Variants in GGCT observed in about 807,000 individuals in gnomAD.
GGCT encodes cytochrome c-releasing factor 21.
In GGCT, 20 loss-of-function variants were observed where a neutral mutation model predicts 22.1. That is an observed-to-expected ratio of 0.91 (90% CI 0.64 to 1.32). The LOEUF is 1.32. Ranked by LOEUF, GGCT falls within the 40% of genes most tolerant of loss-of-function variation. The probability of loss-of-function intolerance (pLI) is 0.00; values close to 1 mark genes in which losing one functional copy is unlikely to be tolerated. For synonymous variants in GGCT, 72 were observed against 78.4 expected (o/e 0.92, Z 0.43); for missense variants, 209 against 223.5 (o/e 0.94, Z 0.41).
At chr7:30,501,830 C>T (rs1789710331) in intron 1 of GGCT, among the ~76,000 whole-genome samples, 1 of 152,182 alleles carries the variant, frequency 6.6e-6, no homozygotes, top group South Asian at 2.1e-4. Flanking sequence ...ACTTGTCAGA[C>T]ATCTCAGGAA....
At chr7:30,503,590 G>C (rs2128124413) in intron 1 of GGCT, among the ~76,000 whole-genome samples, 1 of 152,132 alleles carries the variant, frequency 6.6e-6, no homozygotes, top group South Asian at 2.1e-4. Context: ...GCAGGGGGTG[G>C]TGGACAATAC....
chr7:30,503,781 C>CTTT (rs58105855), intron 1 of GGCT, among the ~76,000 whole-genome samples: 16 of 68,602 alleles, frequency 2.3e-4, no homozygotes, highest in South Asian at 6.4e-4. Context: ...TCAACACATT[C>CTTT]TTTTTTTTTT....
intron 1 of GGCT, among the ~76,000 whole-genome samples, chr7:30,501,550 C>T (rs778836118): frequency 6.6e-6 from 1 of 152,144 alleles, no homozygotes; most frequent in Non-Finnish European, 1.5e-5. Flanking sequence ...TCTAGTTTAA[C>T]TTCTTTCCTC....
chr7:30,500,435 T>C, intron 2 of GGCT, 101 bp downstream of exon 2: 1 of 849,102 alleles, frequency 1.2e-6, no homozygotes, highest in Non-Finnish European at 1.9e-6. Context: ...AATATGTCTG[T>C]AGTATGTGGT....
At chr7:30,503,189 G>A (rs1411135137) in intron 1 of GGCT, among the ~76,000 whole-genome samples, 1 of 152,196 alleles carries the variant, frequency 6.6e-6, no homozygotes, top group East Asian at 1.9e-4. Flanking sequence ...AGGTACCCTG[G>A]TCATACGCCC....
chr7:30,499,683 G>A (rs1365868477), intron 2 of GGCT, among the ~76,000 whole-genome samples: 1 of 151,788 alleles, frequency 6.6e-6, no homozygotes, highest in African/African-American at 2.4e-5. Context: ...TTGCACTCTA[G>A]CCTGGGCAAC....
chr7:30,500,783 G>T (rs38410), intron 1 of GGCT, 102 bp from the exon 2 acceptor site: 590,102 of 852,898 alleles, frequency 0.69, 206,270 homozygotes, highest in Non-Finnish European at 0.72. Flanking sequence ...AATTAAAACA[G>T]TCAATAAACT....
chr7:30,501,071 G>T (rs1370445323), intron 1 of GGCT, among the ~76,000 whole-genome samples: 1 of 152,138 alleles, frequency 6.6e-6, no homozygotes, highest in Non-Finnish European at 1.5e-5. Context: ...CTACATGTGG[G>T]TTATAATATT....
chr7:30,503,594 A>ACAATACAGCATCCACGTTT (rs1175394629), intron 1 of GGCT, among the ~76,000 whole-genome samples: 76 of 152,228 alleles, frequency 5.0e-4, no homozygotes, highest in Middle Eastern at 6.8e-3. Flanking sequence ...GGGGTGGTGG[A>ACAATACAGCATCCACGTTT]CAATACAGCA....
rs1179078575 is a variant in GGCT, at chr7:30,497,004, C to T, written c.*88G>A. The T allele has an allele frequency of 3.0e-5, 25 of 831,220 alleles. No individual in the cohort carries two copies. Among genetic ancestry groups the T allele is most frequent in the South Asian group, 4.1e-5 (2 of 48,578 alleles). The allele number at this position is 831,220 out of a possible 1,614,324, so 51.5% of individuals were successfully genotyped here. ...AGAGCACTGCTGAAAATGGATCAAACGTGGAGATCCCCCAGATCCCTGTTC... is the reference window on the plus strand; with the variant it reads ...AGAGCACTGCTGAAAATGGATCAAATGTGGAGATCCCCCAGATCCCTGTTC... On this transcript the variant is annotated 3_prime_UTR_variant, in exon 4 of 4. Transcript: ENST00000275428.
At chr7:30,501,306 G>A (rs1789696873) in intron 1 of GGCT, among the ~76,000 whole-genome samples, 1 of 152,220 alleles carries the variant, frequency 6.6e-6, no homozygotes, top group African/African-American at 2.4e-5. Context: ...ATAAAAGAGT[G>A]TGTTTTGGGG....
At chr7:30,503,772 C>T in intron 1 of GGCT, among the ~76,000 whole-genome samples, 1 of 126,890 alleles carries the variant, frequency 7.9e-6, no homozygotes, top group East Asian at 2.5e-4. Flanking sequence ...AATAGCCTTT[C>T]AACACATTCT....
chr7:30,498,691 T>C, intron 3 of GGCT, 112 bp downstream of exon 3: 2 of 927,970 alleles, frequency 2.2e-6, no homozygotes, highest in South Asian at 1.6e-5. Flanking sequence ...AGTGGTGGCA[T>C]TACAGGCATG....
chr7:30,499,979 C>T (rs6462210), intron 2 of GGCT, among the ~76,000 whole-genome samples: 13,435 of 152,046 alleles, frequency 0.088, 786 homozygotes, highest in Non-Finnish European at 0.13. Flanking sequence ...GGTAAAGTAT[C>T]GAGCATGTCA....
At chr7:30,501,525 T>C (rs38411) in intron 1 of GGCT, among the ~76,000 whole-genome samples, 101,377 of 152,134 alleles carry the variant, frequency 0.67, 34,123 homozygotes, top group Middle Eastern at 0.72. Context: ...AACTAATAAG[T>C]AATGAAATTA....
intron 1 of GGCT, among the ~76,000 whole-genome samples, chr7:30,501,322 G>A (rs1283995295): frequency 1.3e-5 from 2 of 152,184 alleles, no homozygotes; most frequent in Non-Finnish European, 2.9e-5. Flanking sequence ...TGGGGGCCAG[G>A]TGCAGGGGCT....
At chr7:30,498,510 C>T (rs936016606) in intron 3 of GGCT, among the ~76,000 whole-genome samples, 1 of 152,154 alleles carries the variant, frequency 6.6e-6, no homozygotes, top group African/African-American at 2.4e-5. Context: ...ACCTCCACCT[C>T]CTGGGTTCAA....
At position 30,497,106 on chromosome 7, in the gene GGCT, T is replaced by C. The variant is rs1789557842; in HGVS notation, c.553A>G (p.Thr185Ala). The change falls in exon 4 of 4, where the codon ACA becomes GCA. Residue 185 changes from threonine (T) to alanine (A), a missense_variant. Transcript: ENST00000275428. ...TCTGTTATGTTCTAAAGAGTTTGTG[T>C]TTCCCCCTTTTTGATGATGTCTTCA... ...EIEDIIKKGE[T>A]QTL The C allele has an allele frequency of 3.8e-6, 6 of 1,595,918 alleles. No individual in the cohort carries two copies. Among genetic ancestry groups the C allele is most frequent in the Non-Finnish European group, 5.1e-6 (6 of 1,165,868 alleles).
At chr7:30,497,294 C>A in intron 3 of GGCT, 59 bp from the exon 4 acceptor site, 1 of 1,275,720 alleles carries the variant, frequency 7.8e-7, no homozygotes, top group Non-Finnish European at 1.1e-6. Context: ...TATAATTTAA[C>A]GTACCATACC....
Sources: gnomAD v4.1 joint callset for allele counts (sites outside exome capture counted in the v4.1 genomes callset) on GRCh38, gnomAD v4.1.1 for gene constraint, MANE v1.5 for transcripts, NCBI Gene and HGNC (gene_info 2026-07-23, HGNC 2026-07-21) for gene names.